AKNA: variants seen among roughly 807,000 people sequenced by gnomAD.
AKNA encodes microtubule organization protein AKNA.
In AKNA, 67 loss-of-function variants were observed where a neutral mutation model predicts 138.8. The ratio of observed to expected loss-of-function variants is 0.48; its 90% CI spans 0.40 to 0.59. The LOEUF is 0.59. AKNA is among the 20% of genes least tolerant of loss of function. The pLI is 0.00. For synonymous variants in AKNA, 737 were observed against 754.4 expected, an observed-to-expected ratio of 0.98 and a Z score of 0.38; for missense variants, 1,813 against 1,880.4, an observed-to-expected ratio of 0.96 and a Z score of 0.66.
chr9:114,330,931 G>A, downstream of AKNA: 12 of 1,305,876 alleles, frequency 9.2e-6, no homozygotes, highest in Middle Eastern at 2.0e-4. Context: ...GGTGGGGGCT[G>A]GATGTAGAGC....
intron 5 of AKNA, 116 bp from the exon 6 acceptor site, chr9:114,367,813 T>C (rs117415274): frequency 0.013 from 15,055 of 1,188,256 alleles, 116 homozygotes; most frequent in Non-Finnish European, 0.015. Flanking sequence ...TCAGTCACCA[T>C]GTGCGATCTT....
intron 1 of AKNA, among the ~76,000 whole-genome samples, chr9:114,393,477 G>T (rs542538828): frequency 2.6e-5 from 4 of 151,062 alleles, no homozygotes; most frequent in Non-Finnish European, 5.9e-5. Context: ...CACCCGCCTC[G>T]GCCTCCCAAA....
Position 114,337,013 on chromosome 9 carries a change from G to GGGCCCCCCCCCCCCC in AKNA, c.*40_*41insGGGGGGGGGGGGGCC. On this transcript the variant is annotated 3_prime_UTR_variant, in exon 22 of 22. Coordinates refer to ENST00000374088, the MANE Select transcript of AKNA (RefSeq NM_001317950.2). ...CCACTCCTGGCCTGGCAGGCCACCT[G>GGGCCCCCCCCCCCCC]CCCACCCACCCACCCATCTGCCTCT... 2 of 1,185,370 alleles carry GGGCCCCCCCCCCCCC rather than the reference G, an allele frequency of 1.7e-6. No homozygotes were observed. The highest frequency in any genetic ancestry group is 4.9e-5 in the South Asian group (2 of 40,612). The allele number at this position is 1,185,370 out of a possible 1,614,324, so 73.4% of individuals were successfully genotyped here.
intron 1 of AKNA, chr9:114,383,132 G>C: frequency 2.2e-6 from 1 of 456,030 alleles, no homozygotes. Context: ...AAGCCCATCA[G>C]AGGTGTGGTT....
chr9:114,365,490 G>T (rs1832276279), intron 6 of AKNA, among the ~76,000 whole-genome samples: 1 of 152,060 alleles, frequency 6.6e-6, no homozygotes, highest in Admixed American at 6.6e-5. Context: ...ACAAAAAAAG[G>T]CAAGGGATGA....
rs34055519 is a variant in AKNA at position 114,380,981 on chromosome 9, C to CAAAAAAAAAAAAAAAAAAAA, written c.274+59_274+78dup. The CAAAAAAAAAAAAAAAAAAAA allele has an allele frequency of 1.0e-4, 114 of 1,110,484 alleles. 1 individual carries two copies. In the African/African-American group the frequency reaches 2.3e-3, roughly 22 times the overall value. The allele number at this position is 1,110,484 out of a possible 1,614,324, so 68.8% of individuals were successfully genotyped here. A position where few individuals can be genotyped will look rare whatever the true frequency, so the allele number is the denominator to read the frequency against. Reference sequence around the variant, plus strand: ...CTGGCAATGAAGCAAGACTCTGTCTCAAAAAAAAAAAAAAAAAAAAGAACG... The same window carrying CAAAAAAAAAAAAAAAAAAAA: ...CTGGCAATGAAGCAAGACTCTGTCTCAAAAAAAAAAAAAAAAAAAAAAAAAAAAAAAAAAAAAAAAGAACG... On this transcript the variant is annotated intron_variant, in intron 2 of 21. Transcript: ENST00000374088.
rs2131748125 is a variant in AKNA, at chr9:114,337,267, A to G, written c.4107T>C (p.Ala1369=). The G allele has an allele frequency of 6.5e-7, 1 of 1,546,190 alleles. No individual in the cohort carries two copies. The highest frequency in any genetic ancestry group is 8.8e-7 in the Non-Finnish European group (1 of 1,137,514). Reference sequence around the variant, plus strand: ...GAGAGGCTGTGGGCGGCCACTTGGCAGCTGGTTGGGCTGAGGTAGGTCCTG... The same window carrying G: ...GAGAGGCTGTGGGCGGCCACTTGGCGGCTGGTTGGGCTGAGGTAGGTCCTG... ...APAGPTSAQP[A]AKWPPTASPP... Residue 1369 remains alanine (A), a synonymous_variant, in exon 22 of 22, where the codon GCT becomes GCC. Coordinates refer to ENST00000374088, the MANE Select transcript of AKNA (RefSeq NM_001317950.2).
chr9:114,385,282 G>A (rs1833951581), intron 1 of AKNA, among the ~76,000 whole-genome samples: 1 of 152,186 alleles, frequency 6.6e-6, no homozygotes, highest in African/African-American at 2.4e-5. Context: ...TAAGCGTGCA[G>A]TTTCCTGAAA....
chr9:114,385,829 C>A (rs1833992211), intron 1 of AKNA, among the ~76,000 whole-genome samples: 1 of 152,248 alleles, frequency 6.6e-6, no homozygotes, highest in Admixed American at 6.5e-5. Context: ...TTAGTGCCAA[C>A]TACCTGCCAA....
upstream of AKNA, chr9:114,396,597 T>C: frequency 6.6e-6 from 1 of 151,746 alleles, no homozygotes; most frequent in Admixed American, 6.6e-5. Context: ...GAGAATCGCT[T>C]GAACCTGGGC....
intron 14 of AKNA, among the ~76,000 whole-genome samples, chr9:114,353,978 T>C (rs370162089): frequency 1.3e-5 from 2 of 152,246 alleles, no homozygotes; most frequent in Non-Finnish European, 2.9e-5. Context: ...ATAAACACCA[T>C]ACACTTAGGC....
At chr9:114,373,695 AAAGT>A (rs1372249110) in intron 4 of AKNA, among the ~76,000 whole-genome samples, 2 of 151,426 alleles carry the variant, frequency 1.3e-5, no homozygotes, top group Non-Finnish European at 2.9e-5. Flanking sequence ...CTTGGGCAAC[AAAGT>A]AAGACCCCGT....
At chr9:114,398,144 A>AGGTGGAGACTGAGGCCGGAG (rs1468347089), upstream of AKNA, among the ~76,000 whole-genome samples, 1 of 151,510 alleles carries the variant, frequency 6.6e-6, no homozygotes, top group Non-Finnish European at 1.5e-5. The surrounding 1 kb of genome is among the most constrained non-coding windows in gnomAD (Gnocchi z 4.2). Context: ...CATTGTGCAG[A>AGGTGGAGACTGAGGCCGGAG]GGTGGAGACT....
intron 1 of AKNA, among the ~76,000 whole-genome samples, chr9:114,382,003 G>A (rs79513559): frequency 6.6e-6 from 1 of 152,308 alleles, no homozygotes; most frequent in East Asian, 1.9e-4. Context: ...CCAGTGGCCA[G>A]TGCACCAACG....
At chr9:114,385,568 C>A (rs1301220620) in intron 1 of AKNA, among the ~76,000 whole-genome samples, 1 of 152,212 alleles carries the variant, frequency 6.6e-6, no homozygotes, top group Non-Finnish European at 1.5e-5. Flanking sequence ...ATCACAGAGC[C>A]CTCTGGGTGC....
intron 19 of AKNA, 103 bp downstream of exon 19, chr9:114,343,605 C>T: frequency 8.1e-7 from 1 of 1,227,046 alleles, no homozygotes; most frequent in Non-Finnish European, 1.2e-6. Context: ...TAACCCACTG[C>T]TAAGTTCAGG....
At chr9:114,361,394 C>A (rs1588982272) in intron 9 of AKNA, among the ~76,000 whole-genome samples, 1 of 152,300 alleles carries the variant, frequency 6.6e-6, no homozygotes, top group South Asian at 2.1e-4. Context: ...TCCTGCTACT[C>A]TCACAGAACC....
rs375201643 is a variant in AKNA at position 114,361,824 on chromosome 9, C to A, written c.2004G>T (p.Pro668=). 6 of 1,613,176 alleles carry A rather than the reference C, an allele frequency of 3.7e-6. No homozygotes were observed. Among genetic ancestry groups the A allele is most frequent in the Admixed American group, 3.3e-5 (2 of 59,996 alleles). The part of the protein sequence containing the change: ...HIDQTQQEPE[P]PGSDSALDST... ...TGTCCAGAGCTGAGTCTGACCCGGG[C>A]GGCTCAGGCTCTTGCTGGGTCTGGT... The change falls in exon 9 of 22, where the codon CCG becomes CCT. Residue 668 remains proline, a synonymous_variant. Transcript: ENST00000374088.
chr9:114,360,607 A>C (rs1831878167), intron 9 of AKNA, among the ~76,000 whole-genome samples: 1 of 152,150 alleles, frequency 6.6e-6, no homozygotes, highest in Admixed American at 6.6e-5. Context: ...GCACAGCACA[A>C]GATTTTCCCC....
Sources: allele counts gnomAD v4.1 joint callset (sites outside exome capture counted in the v4.1 genomes callset), GRCh38; gene constraint gnomAD v4.1.1; non-coding constraint Gnocchi (gnomAD v3.1); transcripts MANE v1.5; gene names NCBI Gene and HGNC (gene_info 2026-07-23, HGNC 2026-07-21).